The following C2CD5 variants were observed in gnomAD, a reference collection of about 807,000 sequenced individuals.
C2CD5 encodes C2 calcium dependent domain containing 5.
A neutral mutation model predicts 130.3 loss-of-function variants in C2CD5; 109 were observed. The observed-to-expected ratio is 0.84, with a 90% CI of 0.72 to 0.98. The LOEUF is 0.98. Ranked by LOEUF, C2CD5 falls within the 50% of genes least tolerant of loss-of-function variation. The probability of loss-of-function intolerance (pLI) is 0.00; values close to 1 mark genes in which losing one functional copy is unlikely to be tolerated. For missense variants in C2CD5, 996 were observed against 1,261.8 expected, an observed-to-expected ratio of 0.79 and a Z score of 3.19; for synonymous variants, 454 against 429.2, an observed-to-expected ratio of 1.06 and a Z score of -0.71.
intron 26 of C2CD5, among the ~76,000 whole-genome samples, chr12:22,452,259 A>G (rs904414698): frequency 6.6e-6 from 1 of 152,212 alleles, no homozygotes; most frequent in Non-Finnish European, 1.5e-5. Context: ...TTACGACCAG[A>G]TAATATCAAG....
At chr12:22,483,826 G>A (rs933544397) in intron 13 of C2CD5, among the ~76,000 whole-genome samples, 3 of 152,070 alleles carry the variant, frequency 2.0e-5, no homozygotes, top group African/African-American at 7.2e-5. Flanking sequence ...AAACAGAAAA[G>A]GCTAATAAGA....
chr12:22,472,572 T>C, intron 17 of C2CD5, 172 bp downstream of exon 17: 2 of 646,862 alleles, frequency 3.1e-6, no homozygotes, highest in Non-Finnish European at 5.5e-6. Flanking sequence ...ACCTAAGTTC[T>C]AACATAAGTA....
intron 2 of C2CD5, among the ~76,000 whole-genome samples, chr12:22,542,110 A>G (rs1348766006): frequency 6.6e-6 from 1 of 152,238 alleles, no homozygotes; most frequent in African/African-American, 2.4e-5. Flanking sequence ...TATTACCTGG[A>G]TAATTTTACC....
intron 12 of C2CD5, among the ~76,000 whole-genome samples, chr12:22,487,163 A>AT (rs1945654219): frequency 6.6e-6 from 1 of 152,174 alleles, no homozygotes; most frequent in African/African-American, 2.4e-5. Context: ...TTCATGTCTA[A>AT]AACACCAAAA....
chr12:22,505,552 C>T (rs1460750070), intron 10 of C2CD5, among the ~76,000 whole-genome samples: 1 of 152,070 alleles, frequency 6.6e-6, no homozygotes, highest in South Asian at 2.1e-4. Context: ...AAAATATATA[C>T]GTCTATACAC....
intron 22 of C2CD5, among the ~76,000 whole-genome samples, chr12:22,468,694 A>G (rs1361202721): frequency 6.6e-6 from 1 of 152,210 alleles, no homozygotes. Flanking sequence ...CAAAAAGGAA[A>G]AAGGACCACA....
At chr12:22,501,258 T>C (rs1192916675) in intron 10 of C2CD5, among the ~76,000 whole-genome samples, 1 of 152,188 alleles carries the variant, frequency 6.6e-6, no homozygotes, top group East Asian at 1.9e-4. Context: ...TTTTAAATGA[T>C]GGCAAGATAT....
At chr12:22,540,665 C>G (rs1449011341) in intron 2 of C2CD5, among the ~76,000 whole-genome samples, 1 of 152,144 alleles carries the variant, frequency 6.6e-6, no homozygotes, top group Non-Finnish European at 1.5e-5. Context: ...TCAAGACCAG[C>G]CTGGCCAACA....
rs1950449689 is a variant in C2CD5 at position 22,523,510 on chromosome 12, AT to A, written c.715del (p.Ile239Ter). On this transcript the variant is annotated frameshift_variant, in exon 7 of 27. Transcript: ENST00000446597. LOFTEE classifies it high-confidence loss of function. ...EGESGLVVRA[I>X]GTACTLDKLS... ...TTTATCCAGAGTACACGCCGTTCCT[AT>A]GGCTCGCACCACTAACCCAGACTCG... The A allele has an allele frequency of 8.7e-6, 14 of 1,614,026 alleles. No individual in the cohort carries two copies. Among genetic ancestry groups the A allele is most frequent in the Non-Finnish European group, 1.2e-5 (14 of 1,179,960 alleles).
rs1162512330 is a variant in C2CD5 at position 22,524,089 on chromosome 12, G to C, written c.601+383C>G. Among the ~76,000 whole-genome samples the C allele has an allele frequency of 4.6e-5, 7 of 152,272 alleles. No homozygotes were observed. The East Asian group carries it at 1.4e-3, about 29-fold the overall frequency. On this transcript the variant is annotated intron_variant, in intron 6 of 26. Coordinates refer to ENST00000446597, the MANE Select transcript of C2CD5 (RefSeq NM_001286176.2). ...GAACTACAGTACCTAGGGAGGAACT[G>C]TGAAAAGGCAACATCTGAACAGAAA... is the stretch of plus-strand genomic sequence containing the variant.
chr12:22,498,629 T>C (rs1805864419), intron 10 of C2CD5, among the ~76,000 whole-genome samples: 1 of 152,166 alleles, frequency 6.6e-6, no homozygotes, highest in South Asian at 2.1e-4. Flanking sequence ...GAACTATTAA[T>C]CCAAAGCTTG....
At chr12:22,500,298 C>T (rs780802548) in intron 10 of C2CD5, among the ~76,000 whole-genome samples, 1 of 151,440 alleles carries the variant, frequency 6.6e-6, no homozygotes, top group Non-Finnish European at 1.5e-5. Context: ...TACTCTGTGG[C>T]AAGCAACGTA....
chr12:22,496,821 A>T (rs11046445), intron 10 of C2CD5, among the ~76,000 whole-genome samples: 23,828 of 151,916 alleles, frequency 0.16, 3,794 homozygotes, highest in African/African-American at 0.41. Flanking sequence ...TGAACTGAGC[A>T]CTAAATCAAT....
At chr12:22,457,459 C>T (rs1009782194) in intron 24 of C2CD5, among the ~76,000 whole-genome samples, 2 of 152,050 alleles carry the variant, frequency 1.3e-5, no homozygotes, top group South Asian at 2.1e-4. Context: ...AAAGAAAAAG[C>T]GGCTGAGCAT....
chr12:22,536,709 G>C (rs1325004037), intron 2 of C2CD5, among the ~76,000 whole-genome samples: 1 of 152,180 alleles, frequency 6.6e-6, no homozygotes, highest in Non-Finnish European at 1.5e-5. Context: ...AGAACTGACA[G>C]CAATTATCTC....
intron 9 of C2CD5, among the ~76,000 whole-genome samples, chr12:22,508,125 T>G (rs569834317): frequency 6.6e-6 from 1 of 152,276 alleles, no homozygotes; most frequent in South Asian, 2.1e-4. Flanking sequence ...GCACGGCAAC[T>G]TGGAATCATT....
At chr12:22,518,724 T>C (rs903573315) in intron 7 of C2CD5, among the ~76,000 whole-genome samples, 3 of 152,242 alleles carry the variant, frequency 2.0e-5, no homozygotes, top group African/African-American at 7.2e-5. Flanking sequence ...ATAGGTTTTG[T>C]ATATAAAGAA....
chr12:22,467,389 T>G (rs1355557995), intron 22 of C2CD5, among the ~76,000 whole-genome samples: 1 of 152,068 alleles, frequency 6.6e-6, no homozygotes, highest in Non-Finnish European at 1.5e-5. Flanking sequence ...TCCGCCTGCT[T>G]CGGCCTCCCA....
Position 22,518,154 on chromosome 12 carries a change from G to C in C2CD5, c.801-17C>G. ...AAGGGAATCCTGCCAGAAGAAGGTG[G>C]AGAAATATTAAGTAATCATGTGCCA... On this transcript the variant is annotated splice_polypyrimidine_tract_variant and intron_variant, in intron 7 of 26. Coordinates refer to ENST00000446597, the MANE Select transcript of C2CD5 (RefSeq NM_001286176.2). The C allele has an allele frequency of 6.2e-7, 1 of 1,612,544 alleles. No homozygotes were observed. The highest frequency in any genetic ancestry group is 8.5e-7 in the Non-Finnish European group (1 of 1,178,672).
Sources: allele counts gnomAD v4.1 joint callset (sites outside exome capture counted in the v4.1 genomes callset), GRCh38; gene constraint gnomAD v4.1.1; transcripts MANE v1.5; gene names NCBI Gene and HGNC (gene_info 2026-07-23, HGNC 2026-07-21).